Variants in ZSCAN5A observed in about 807,000 individuals in gnomAD.
ZSCAN5A encodes the protein zinc finger and SCAN domain containing 5A.
In ZSCAN5A, 12 loss-of-function variants were observed where a neutral mutation model predicts 23.7. The observed-to-expected ratio is 0.51, with a 90% confidence interval of 0.32 to 0.82. The LOEUF (loss-of-function observed/expected upper bound fraction) is 0.82. ZSCAN5A is among the 40% of genes least tolerant of loss of function. ZSCAN5A has a pLI of 0.03. For synonymous variants in ZSCAN5A, 257 were observed against 239.9 expected (o/e 1.07, Z -0.66); for missense variants, 597 against 617.9 (o/e 0.97, Z 0.36).
At chr19:56,293,296 C>A (rs961075724) in intron 2 of ZSCAN5A, among the ~76,000 whole-genome samples, 1 of 152,140 alleles carries the variant, frequency 6.6e-6, no homozygotes, top group Non-Finnish European at 1.5e-5. Context: ...GAGTCGCTTG[C>A]TCATGGTCAC....
At chr19:56,267,442 T>A (rs978685527) in intron 2 of ZSCAN5A, among the ~76,000 whole-genome samples, 1 of 152,214 alleles carries the variant, frequency 6.6e-6, no homozygotes, top group Non-Finnish European at 1.5e-5. Flanking sequence ...CTGTCCAATA[T>A]ATGTAGCTAT....
chr19:56,276,293 A>C (rs2038246282), intron 2 of ZSCAN5A, among the ~76,000 whole-genome samples: 1 of 152,186 alleles, frequency 6.6e-6, no homozygotes, highest in African/African-American at 2.4e-5. Flanking sequence ...AGTGATGCTC[A>C]CAACTAAAAG....
At chr19:56,292,208 CAT>C (rs1422519695) in intron 2 of ZSCAN5A, among the ~76,000 whole-genome samples, 1 of 152,222 alleles carries the variant, frequency 6.6e-6, no homozygotes, top group Non-Finnish European at 1.5e-5. Flanking sequence ...CTGTTTGCCA[CAT>C]GTGGGTAACA....
At chr19:56,254,232 A>G (rs921086169) in intron 2 of ZSCAN5A, among the ~76,000 whole-genome samples, 1 of 99,876 alleles carries the variant, frequency 1.0e-5, no homozygotes, top group African/African-American at 3.9e-5. Context: ...TGTTGGTCCC[A>G]AAGTATTACA....
intron 3 of ZSCAN5A, among the ~76,000 whole-genome samples, chr19:56,224,156 G>A (rs1336004370): frequency 6.6e-6 from 1 of 151,910 alleles, no homozygotes; most frequent in Non-Finnish European, 1.5e-5. Context: ...AGCTCACCTT[G>A]TATTAGAACT....
intron 2 of ZSCAN5A, among the ~76,000 whole-genome samples, chr19:56,288,453 C>T (rs531094252): frequency 1.9e-4 from 29 of 152,314 alleles, no homozygotes; most frequent in African/African-American, 5.8e-4. Context: ...GCAACCATCA[C>T]CCCCTTATAG....
At position 56,221,471 on chromosome 19, in the gene ZSCAN5A, T is replaced by G; in HGVS notation, c.*104A>C. The G allele has an allele frequency of 7.1e-7, 1 of 1,408,088 alleles. No homozygotes were observed. Among genetic ancestry groups the G allele is most frequent in the African/African-American group, 1.4e-5 (1 of 69,696 alleles). The allele number at this position is 1,408,088 out of a possible 1,614,324, so 87.2% of individuals were successfully genotyped here. ...CAATTCATATCTAGGGCACTCCCTC[T>G]GTGTGTCAGACGCCCTTGCATGTGT... On this transcript the variant is annotated 3_prime_UTR_variant, in exon 6 of 6. Transcript: ENST00000683990.
intron 2 of ZSCAN5A, among the ~76,000 whole-genome samples, chr19:56,244,634 T>C (rs189012405): frequency 0.015 from 2,114 of 142,316 alleles, 51 homozygotes; most frequent in African/African-American, 0.055. Context: ...AAGCATTCTC[T>C]AATGCTCAGG....
chr19:56,256,312 C>T (rs989335525), intron 2 of ZSCAN5A, among the ~76,000 whole-genome samples: 1 of 152,112 alleles, frequency 6.6e-6, no homozygotes, highest in African/African-American at 2.4e-5. Context: ...CCCTCCTCGG[C>T]CTCCTGAGTA....
chr19:56,336,878 G>A (rs2041542587), intron 2 of ZSCAN5A, among the ~76,000 whole-genome samples: 1 of 152,210 alleles, frequency 6.6e-6, no homozygotes, highest in Admixed American at 6.5e-5. Context: ...GGTATCAGCA[G>A]CAGTGGCTGC....
chr19:56,352,909 G>C lies in ZSCAN5A; in HGVS notation c.-358+10326C>G, dbSNP rs1178749208. Among the ~76,000 whole-genome samples, 1 of 152,186 alleles carries C rather than the reference G, an allele frequency of 6.6e-6. No individual in the cohort carries two copies. Among genetic ancestry groups the C allele is most frequent in the South Asian group, 2.1e-4 (1 of 4,830 alleles). ...GGTCTTTGCCAGATGGCAGTGTTTC[G>C]ATCTATTACACTACAGACATTGTGG... On this transcript the variant is annotated intron_variant, in intron 2 of 6. Coordinates refer to the ZSCAN5A transcript ENST00000587340. This position sits in a 1 kb window ranked among gnomAD's most constrained non-coding sequence, Gnocchi z 4.2.
chr19:56,302,009 C>A, intron 2 of ZSCAN5A: 1 of 1,232,024 alleles, frequency 8.1e-7, no homozygotes, highest in Non-Finnish European at 1.0e-6. Flanking sequence ...GAAACCACTC[C>A]CCAAGAGGAA....
intron 2 of ZSCAN5A, among the ~76,000 whole-genome samples, chr19:56,344,036 G>A (rs2041613636): frequency 6.6e-6 from 1 of 152,080 alleles, no homozygotes; most frequent in Admixed American, 6.5e-5. Flanking sequence ...CATTGTTTAT[G>A]AAACTGTGAT....
rs189176102 is a variant in ZSCAN5A, at chr19:56,239,971, G to A, written c.-127-14798C>T. On this transcript the variant is annotated intron_variant, in intron 2 of 5. Coordinates refer to ENST00000683990, the MANE Select transcript of ZSCAN5A (RefSeq NM_001322064.3). ...TAGGTCAGGAGTTCAAGACCAGCCT[G>A]GCCAACATGGTGAAACCCCGTCTCT... is the stretch of plus-strand genomic sequence containing the variant. Among the ~76,000 whole-genome samples the A allele has an allele frequency of 7.1e-3, 1,079 of 152,168 alleles. 11 individuals carry two copies. Among genetic ancestry groups the A allele is most frequent in the African/African-American group, 0.024 (1,008 of 41,504 alleles).
chr19:56,337,244 C>T (rs113859776), intron 2 of ZSCAN5A, among the ~76,000 whole-genome samples: 24 of 152,354 alleles, frequency 1.6e-4, no homozygotes, highest in African/African-American at 5.8e-4. Context: ...GTTCGAGCTT[C>T]CCGGCCACTT....
chr19:56,240,152 A>AT (rs1396756108), intron 2 of ZSCAN5A, among the ~76,000 whole-genome samples: 17 of 151,040 alleles, frequency 1.1e-4, no homozygotes, highest in African/African-American at 4.1e-4. Flanking sequence ...ACAGTGTGAG[A>AT]CTCTGTCTCA....
rs138651911 is a variant in ZSCAN5A at position 56,246,096 on chromosome 19, G to T, written c.-127-20923C>A. Among the ~76,000 whole-genome samples the T allele has an allele frequency of 4.8e-4, 73 of 152,318 alleles. No individual in the cohort carries two copies. In the East Asian group the frequency reaches 0.014, roughly 29 times the overall value. On this transcript the variant is annotated intron_variant, in intron 2 of 5. Transcript: ENST00000683990. ...CAAACAGTGAAAACCACCAGGCACA[G>T]GAGCTGATTTAGAATATGGAGGGTG...
At chr19:56,332,881 G>C (rs1568756162) in intron 2 of ZSCAN5A, among the ~76,000 whole-genome samples, 1 of 152,112 alleles carries the variant, frequency 6.6e-6, no homozygotes, top group Non-Finnish European at 1.5e-5. Context: ...TTGCTTGCTT[G>C]TCTGTAAAAT....
chr19:56,285,794 T>C (rs2039072417), intron 2 of ZSCAN5A, among the ~76,000 whole-genome samples: 1 of 152,106 alleles, frequency 6.6e-6, no homozygotes, highest in South Asian at 2.1e-4. Context: ...TTGTTTTATT[T>C]TGTTTTGATG....
Sources: gnomAD v4.1 joint callset for allele counts (sites outside exome capture counted in the v4.1 genomes callset) on GRCh38, gnomAD v4.1.1 for gene constraint, Gnocchi (gnomAD v3.1) non-coding constraint, MANE v1.5 for transcripts, NCBI Gene and HGNC (gene_info 2026-07-23, HGNC 2026-07-21) for gene names.